Variants in DIAPH3 observed in about 807,000 individuals in gnomAD.
DIAPH3 encodes protein diaphanous homolog 3.
Under a neutral mutation model 144.3 loss-of-function variants are expected in DIAPH3, and 117 were observed. The observed-to-expected ratio is 0.81, with a 90% CI of 0.70 to 0.95. The LOEUF (loss-of-function observed/expected upper bound fraction) is 0.95, where lower values mean the gene tolerates loss of function less well. DIAPH3 is among the 40% of genes least tolerant of loss of function. The pLI, the probability that DIAPH3 is intolerant of heterozygous loss-of-function variation, is 0.00. For missense variants in DIAPH3, 1,421 were observed against 1,412.7 expected (o/e 1.01, Z -0.09); for synonymous variants, 519 against 488.9 (o/e 1.06, Z -0.81).
intron 5 of DIAPH3, among the ~76,000 whole-genome samples, chr13:60,023,384 C>T (rs762744635): frequency 1.3e-5 from 2 of 151,494 alleles, no homozygotes; most frequent in Non-Finnish European, 2.9e-5. Context: ...TCATGAAATT[C>T]GCAATTTGGG....
chr13:60,163,134 C>A (rs769792908), intron 1 of DIAPH3, among the ~76,000 whole-genome samples: 6 of 152,112 alleles, frequency 3.9e-5, no homozygotes, highest in Non-Finnish European at 7.3e-5. Flanking sequence ...CCACACCACC[C>A]GCCAAGTTCT....
chr13:59,745,609 G>A (rs1356790576), intron 27 of DIAPH3, among the ~76,000 whole-genome samples: 2 of 152,138 alleles, frequency 1.3e-5, no homozygotes, highest in East Asian at 3.9e-4. Flanking sequence ...CACAGATTAA[G>A]TTAAACAGTC....
intron 14 of DIAPH3, among the ~76,000 whole-genome samples, chr13:59,975,999 A>C (rs2140634844): frequency 6.6e-6 from 1 of 152,088 alleles, no homozygotes; most frequent in South Asian, 2.1e-4. Flanking sequence ...CCTGTCACCC[A>C]GTGCTTCCCC....
chr13:59,757,884 C>G (rs2037370192), intron 27 of DIAPH3, among the ~76,000 whole-genome samples: 1 of 152,032 alleles, frequency 6.6e-6, no homozygotes, highest in African/African-American at 2.4e-5. Context: ...GAAAAATGGG[C>G]AAATAAAACC....
intron 4 of DIAPH3, among the ~76,000 whole-genome samples, chr13:60,089,812 A>T (rs751854656): frequency 3.3e-5 from 5 of 152,172 alleles, no homozygotes; most frequent in Non-Finnish European, 5.9e-5. Flanking sequence ...GTGAGCCCAC[A>T]CTAAGTGAGG....
At chr13:59,990,625 A>T (rs1263342012) in intron 12 of DIAPH3, among the ~76,000 whole-genome samples, 1 of 151,938 alleles carries the variant, frequency 6.6e-6, no homozygotes, top group African/African-American at 2.4e-5. Flanking sequence ...CTCCATATTT[A>T]GTCACATTAT....
At chr13:59,723,705 G>C (rs1050408297) in intron 27 of DIAPH3, among the ~76,000 whole-genome samples, 1 of 151,862 alleles carries the variant, frequency 6.6e-6, no homozygotes, top group African/African-American at 2.4e-5. Flanking sequence ...CCGCCTCCTG[G>C]GTTCAAGCAA....
At chr13:60,136,472 CAAAAAAAAAAAA>C (rs34487556) in intron 1 of DIAPH3, among the ~76,000 whole-genome samples, 1 of 81,978 alleles carries the variant, frequency 1.2e-5, no homozygotes, top group African/African-American at 4.5e-5. Context: ...TTATATTTAC[CAAAAAAAAAAAA>C]AAAAAAAAGT....
intron 27 of DIAPH3, among the ~76,000 whole-genome samples, chr13:59,755,088 C>G (rs2037191183): frequency 6.6e-6 from 1 of 152,152 alleles, no homozygotes; most frequent in African/African-American, 2.4e-5. Context: ...CTTATATGTT[C>G]TGTATTGCTC....
At chr13:60,104,817 C>A (rs565866063) in intron 3 of DIAPH3, among the ~76,000 whole-genome samples, 1 of 151,992 alleles carries the variant, frequency 6.6e-6, no homozygotes, top group African/African-American at 2.4e-5. Context: ...ATTGGCCAGG[C>A]GCGGTGGCTC....
At chr13:59,716,957 A>AT (rs2035091131) in intron 27 of DIAPH3, among the ~76,000 whole-genome samples, 1 of 152,178 alleles carries the variant, frequency 6.6e-6, no homozygotes, top group African/African-American at 2.4e-5. Flanking sequence ...TAAAAAAAAA[A>AT]GTAGTAAGAA....
intron 3 of DIAPH3, among the ~76,000 whole-genome samples, chr13:60,098,847 ATATC>A (rs1448447212): frequency 1.3e-5 from 2 of 152,184 alleles, no homozygotes; most frequent in Non-Finnish European, 2.9e-5. Context: ...ATCTCATTAA[ATATC>A]TATTATAGGT....
intron 24 of DIAPH3, among the ~76,000 whole-genome samples, chr13:59,813,041 C>A (rs551031307): frequency 7.9e-5 from 12 of 152,042 alleles, no homozygotes; most frequent in African/African-American, 2.7e-4. Context: ...AGACTGCATT[C>A]CCTAAATTCA....
intron 1 of DIAPH3, among the ~76,000 whole-genome samples, chr13:60,162,526 C>T (rs781427579): frequency 6.6e-6 from 1 of 152,104 alleles, no homozygotes; most frequent in Non-Finnish European, 1.5e-5. Flanking sequence ...GTCACTATTC[C>T]TATGACCATT....
intron 5 of DIAPH3, among the ~76,000 whole-genome samples, chr13:60,042,292 G>T (rs972155680): frequency 2.0e-5 from 3 of 151,984 alleles, no homozygotes; most frequent in African/African-American, 7.3e-5. Flanking sequence ...CCCCTACAAC[G>T]ACATCATTTC....
At chr13:59,697,830 C>T (rs544413031) in intron 27 of DIAPH3, among the ~76,000 whole-genome samples, 1 of 152,274 alleles carries the variant, frequency 6.6e-6, no homozygotes, top group South Asian at 2.1e-4. Context: ...TTAAATCATT[C>T]AACTAATTAT....
intron 5 of DIAPH3, among the ~76,000 whole-genome samples, chr13:60,020,722 A>G (rs1265069881): frequency 1.3e-5 from 2 of 152,234 alleles, no homozygotes; most frequent in Non-Finnish European, 2.9e-5. Context: ...GGTATGAGAA[A>G]TACAAAACTG....
At chr13:60,063,733 C>T (rs2141307080) in intron 4 of DIAPH3, among the ~76,000 whole-genome samples, 1 of 152,218 alleles carries the variant, frequency 6.6e-6, no homozygotes, top group African/African-American at 2.4e-5. Flanking sequence ...TCGAGACCAG[C>T]CTGGCCAACA....
intron 27 of DIAPH3, among the ~76,000 whole-genome samples, chr13:59,743,165 A>T (rs1408287721): frequency 6.6e-6 from 1 of 152,152 alleles, no homozygotes; most frequent in Non-Finnish European, 1.5e-5. Flanking sequence ...TTTTTTGATG[A>T]TCTCTTTGGC....
Sources: gnomAD v4.1 joint callset for allele counts (sites outside exome capture counted in the v4.1 genomes callset) on GRCh38, gnomAD v4.1.1 for gene constraint, MANE v1.5 for transcripts, NCBI Gene and HGNC (gene_info 2026-07-23, HGNC 2026-07-21) for gene names.